EPHA10: variants seen among roughly 807,000 people sequenced by gnomAD.
EPHA10 encodes ephrin type-A receptor 10.
A neutral mutation model predicts 109.7 loss-of-function variants in EPHA10; 120 were observed. The observed-to-expected ratio is 1.09, with a 90% confidence interval of 0.94 to 1.27. The LOEUF is 1.27. Ranked by LOEUF, EPHA10 falls within the 50% of genes most tolerant of loss-of-function variation. The pLI, the probability that EPHA10 is intolerant of heterozygous loss-of-function variation, is 0.00. For synonymous variants in EPHA10, 640 were observed against 618.9 expected, an observed-to-expected ratio of 1.03 and a Z score of -0.51; for missense variants, 1,396 against 1,411.1, an observed-to-expected ratio of 0.99 and a Z score of 0.17.
intron 13 of EPHA10, 108 bp from the exon 14 acceptor site, chr1:37,720,166 C>T: frequency 6.8e-7 from 1 of 1,472,142 alleles, no homozygotes; most frequent in Non-Finnish European, 9.2e-7. Context: ...CAGGCAACCC[C>T]CAACTCCAGC....
At chr1:37,760,423 A>G (rs1436533588) in intron 3 of EPHA10, 1 of 1,055,928 alleles carries the variant, frequency 9.5e-7, no homozygotes, top group Non-Finnish European at 1.1e-6. Context: ...AAAACCCTCA[A>G]CATGAAGGAT....
chr1:37,763,375 A>T (rs1646449791), intron 1 of EPHA10, among the ~76,000 whole-genome samples: 1 of 152,066 alleles, frequency 6.6e-6, no homozygotes, highest in Non-Finnish European at 1.5e-5. Flanking sequence ...CTCCTCCTGC[A>T]CCCCTCATAC....
At chr1:37,758,673 T>A (rs1310538122) in intron 3 of EPHA10, among the ~76,000 whole-genome samples, 6 of 152,192 alleles carry the variant, frequency 3.9e-5, no homozygotes, top group African/African-American at 1.4e-4. Context: ...TTTCTACTTG[T>A]CCTTAAGTAT....
intron 8 of EPHA10, among the ~76,000 whole-genome samples, chr1:37,724,290 C>A (rs755381129): frequency 4.6e-5 from 7 of 152,080 alleles, no homozygotes; most frequent in Admixed American, 3.9e-4. Flanking sequence ...GATGAGGAGA[C>A]AAAAAGTTCA....
rs1569761131 is a variant in EPHA10, at chr1:37,754,286, G to A, written c.935C>T (p.Ala312Val). Residue 312 changes from alanine to valine, a missense_variant, in exon 4 of 17, where the codon GCC (alanine) becomes GTC (valine). Ala to Val is a moderately conservative substitution (Grantham distance 64). Transcript: ENST00000373048. This position sits in a 1 kb window ranked among gnomAD's most constrained non-coding sequence, Gnocchi z 4.5. Reference sequence around the variant, plus strand: ...GTCCTGGCACACGCAGAAGGTGGAGGCGTTTTCCAGGGCCCGGCTGTGCTC... The same window carrying A: ...GTCCTGGCACACGCAGAAGGTGGAGACGTTTTCCAGGGCCCGGCTGTGCTC... ...CPEHSRALEN[A>V]STFCVCQDSY... 3.0e-6 allele frequency: 4 copies of A among 1,318,124 alleles called. No individual in the cohort carries two copies. The East Asian group carries it at 9.2e-5, about 30-fold the overall frequency. The allele number at this position is 1,318,124 out of a possible 1,614,324, so 81.7% of individuals were successfully genotyped here.
At chr1:37,746,543 G>A (rs1007188093) in intron 5 of EPHA10, among the ~76,000 whole-genome samples, 1 of 152,080 alleles carries the variant, frequency 6.6e-6, no homozygotes, top group African/African-American at 2.4e-5. Flanking sequence ...TGAATCTGGA[G>A]GTAACATAAT....
intron 5 of EPHA10, among the ~76,000 whole-genome samples, chr1:37,744,818 C>T (rs1202917425): frequency 1.3e-5 from 2 of 152,118 alleles, no homozygotes; most frequent in Non-Finnish European, 2.9e-5. Context: ...ATGTTGAAGT[C>T]CCAACCACCA....
intron 8 of EPHA10, among the ~76,000 whole-genome samples, chr1:37,726,022 G>A (rs921120579): frequency 3.3e-5 from 5 of 152,194 alleles, no homozygotes; most frequent in Non-Finnish European, 7.4e-5. Flanking sequence ...TTGGAATCCC[G>A]CGCTGGCTTG....
chr1:37,752,190 C>T (rs1490334282), intron 5 of EPHA10, among the ~76,000 whole-genome samples: 2 of 152,160 alleles, frequency 1.3e-5, no homozygotes, highest in Admixed American at 1.3e-4. Flanking sequence ...TCAAAAGAAA[C>T]TCTCAGGAAT....
At chr1:37,762,925 G>A in intron 1 of EPHA10, 76 bp from the exon 2 acceptor site, 3 of 1,382,642 alleles carry the variant, frequency 2.2e-6, no homozygotes, top group Admixed American at 2.3e-5. Context: ...CTTTGGTGAA[G>A]TCCCTGTAAA....
At chr1:37,734,351 C>T (rs745601349) in intron 6 of EPHA10, among the ~76,000 whole-genome samples, 6 of 151,946 alleles carry the variant, frequency 3.9e-5, no homozygotes, top group Non-Finnish European at 7.4e-5. Context: ...CTGGCCAACA[C>T]GATGAAACCT....
intron 14 of EPHA10, 122 bp from the exon 15 acceptor site, chr1:37,719,729 CAG>C: frequency 1.4e-6 from 2 of 1,394,048 alleles, no homozygotes; most frequent in Non-Finnish European, 2.0e-6. Flanking sequence ...CACACAGACA[CAG>C]ACACACACAC....
At chr1:37,734,028 A>C (rs1290721814) in intron 6 of EPHA10, among the ~76,000 whole-genome samples, 1 of 151,750 alleles carries the variant, frequency 6.6e-6, no homozygotes, top group African/African-American at 2.4e-5. Context: ...GTGACTCAGG[A>C]CTCTCTCCTC....
intron 5 of EPHA10, among the ~76,000 whole-genome samples, chr1:37,748,886 A>G (rs1011632713): frequency 6.6e-5 from 10 of 150,980 alleles, no homozygotes; most frequent in Admixed American, 3.3e-4. Context: ...GGGTTCCAAA[A>G]CCAATCTAAG....
At chr1:37,757,790 A>G (rs1227166012) in intron 3 of EPHA10, among the ~76,000 whole-genome samples, 1 of 152,228 alleles carries the variant, frequency 6.6e-6, no homozygotes, top group Non-Finnish European at 1.5e-5. Context: ...ACAACAATGA[A>G]TAAAACAGAC....
rs145174343 is a variant in EPHA10, at chr1:37,735,220, G to A, written c.1491+37C>T. ...ACCAGAAGCCCTGCGGGACAGGTGC[G>A]GGGCAGGCTCCAGGTCCCTCCCAGA... On this transcript the variant is annotated intron_variant, in intron 6 of 16. Coordinates refer to ENST00000373048, the MANE Select transcript of EPHA10 (RefSeq NM_001099439.2). 611 of 1,557,850 alleles carry A rather than the reference G, an allele frequency of 3.9e-4. 1 individual carries two copies. The African/African-American group carries it at 7.5e-3, about 19-fold the overall frequency.
In EPHA10 at chr1:37,719,624, G is replaced by A; in HGVS notation, c.2563-17C>T. The A allele has an allele frequency of 2.5e-6, 4 of 1,612,176 alleles. No homozygotes were observed. The South Asian group carries it at 4.4e-5, about 18-fold the overall frequency. On this transcript the variant is annotated splice_polypyrimidine_tract_variant and intron_variant, in intron 14 of 16. Coordinates refer to ENST00000373048, the MANE Select transcript of EPHA10 (RefSeq NM_001099439.2). ...CTTGATCACCTGGGCCACAGGGGTG[G>A]GGAGCAGAGAGGAGGCTCTGGGTTT...
chr1:37,740,455 G>A lies in EPHA10; in HGVS notation c.1358-5065C>T, dbSNP rs544890483. On this transcript the variant is annotated intron_variant, in intron 5 of 16. Coordinates refer to ENST00000373048, the MANE Select transcript of EPHA10 (RefSeq NM_001099439.2). ...CGAGTAGCTGGGACTACAGGTGCCC[G>A]CCACCACGCCCAGCTAATTTTTTGT... is the stretch of plus-strand genomic sequence containing the variant. Among the ~76,000 whole-genome samples the A allele has an allele frequency of 1.0e-3, 153 of 152,054 alleles. 1 individual carries two copies. In the East Asian group the frequency reaches 0.03, roughly 29 times the overall value.
intron 9 of EPHA10, 34 bp downstream of exon 9, chr1:37,723,277 C>G (rs758595832): frequency 2.5e-6 from 4 of 1,610,742 alleles, no homozygotes; most frequent in Non-Finnish European, 3.4e-6. Context: ...CAGGGTGGAG[C>G]CCGCCCCTCC....
Sources: gnomAD v4.1 joint callset for allele counts (sites outside exome capture counted in the v4.1 genomes callset) on GRCh38, gnomAD v4.1.1 for gene constraint, Gnocchi (gnomAD v3.1) non-coding constraint, MANE v1.5 for transcripts, NCBI Gene and HGNC (gene_info 2026-07-23, HGNC 2026-07-21) for gene names.